The following CUX2 variants were observed in gnomAD, a reference collection of about 807,000 sequenced individuals.
CUX2 encodes cut like homeobox 2.
A neutral mutation model predicts 144.8 loss-of-function variants in CUX2; 40 were observed. That is an observed-to-expected ratio of 0.28 (90% CI 0.21 to 0.36). The LOEUF (loss-of-function observed/expected upper bound fraction) is 0.36, where lower values mean the gene tolerates loss of function less well. Among genes scored for constraint, CUX2 ranks in the 10% least tolerant of loss-of-function variants. CUX2 has a pLI of 1.00. For missense variants in CUX2, 1,615 were observed against 1,994.0 expected, an observed-to-expected ratio of 0.81 and a Z score of 3.62; for synonymous variants, 827 against 875.6, an observed-to-expected ratio of 0.94 and a Z score of 0.98.
chr12:111,331,022 A>G (rs1472679273), intron 18 of CUX2, among the ~76,000 whole-genome samples: 3 of 151,746 alleles, frequency 2.0e-5, no homozygotes, highest in Admixed American at 1.3e-4. Flanking sequence ...TCAGGATGGC[A>G]AGACCAGCCT....
At chr12:111,167,729 C>G (rs1878242726) in intron 1 of CUX2, among the ~76,000 whole-genome samples, 1 of 152,038 alleles carries the variant, frequency 6.6e-6, no homozygotes, top group Admixed American at 6.6e-5. Flanking sequence ...GAGTCTTGCT[C>G]TGTTGCCCAG....
chr12:111,159,563 A>C (rs1012347864), intron 1 of CUX2, among the ~76,000 whole-genome samples: 3 of 152,224 alleles, frequency 2.0e-5, no homozygotes, highest in African/African-American at 7.2e-5. Flanking sequence ...ATTATTTCAT[A>C]AGCAACTGAT....
chr12:111,217,972 G>A (rs776013717), intron 3 of CUX2, 35 bp downstream of exon 3: 8 of 1,612,112 alleles, frequency 5.0e-6, no homozygotes, highest in Non-Finnish European at 5.9e-6. Context: ...TCAGAAAAGT[G>A]CCCCCAATGG....
chr12:111,126,043 G>T (rs527678462), intron 1 of CUX2, among the ~76,000 whole-genome samples: 8 of 145,470 alleles, frequency 5.5e-5, no homozygotes, highest in East Asian at 3.9e-4. Flanking sequence ...GGGTGGTGGC[G>T]TGGGGGGGGC....
intron 1 of CUX2, among the ~76,000 whole-genome samples, chr12:111,153,950 C>A (rs763631401): frequency 5.9e-5 from 9 of 152,106 alleles, no homozygotes; most frequent in Non-Finnish European, 1.0e-4. Context: ...ACCACCTTCA[C>A]GTTCATTTCT....
chr12:111,081,035 G>A (rs1056438068), intron 1 of CUX2, among the ~76,000 whole-genome samples: 2 of 152,124 alleles, frequency 1.3e-5, no homozygotes, highest in African/African-American at 2.4e-5. Context: ...TATAGCTGTC[G>A]GTACAATGAA....
At chr12:111,268,832 G>A (rs1884507852) in intron 4 of CUX2, among the ~76,000 whole-genome samples, 1 of 152,192 alleles carries the variant, frequency 6.6e-6, no homozygotes, top group African/African-American at 2.4e-5. Flanking sequence ...GGGTCCCACT[G>A]TGTCAGCGAC....
chr12:111,264,472 C>T (rs1388359516), intron 4 of CUX2, among the ~76,000 whole-genome samples: 1 of 152,152 alleles, frequency 6.6e-6, no homozygotes, highest in African/African-American at 2.4e-5. Context: ...CAGGGGATCA[C>T]GCCTGTAATC....
At chr12:111,046,382 TC>T (rs1416506032) in intron 1 of CUX2, among the ~76,000 whole-genome samples, 1 of 152,196 alleles carries the variant, frequency 6.6e-6, no homozygotes, top group Non-Finnish European at 1.5e-5. Flanking sequence ...TATTTTTAAT[TC>T]CCACAGCAAC....
Position 111,348,482 on chromosome 12 carries a change from T to A in CUX2, c.*157T>A. On this transcript the variant is annotated 3_prime_UTR_variant, in exon 22 of 22. Coordinates refer to ENST00000261726, the MANE Select transcript of CUX2 (RefSeq NM_015267.4). Reference sequence around the variant, plus strand: ...ACGTTTTTTGTTGTAATCCTAGTTCTATGAAGCTGTGTGAGCAGGTGGGTC... The same window carrying A: ...ACGTTTTTTGTTGTAATCCTAGTTCAATGAAGCTGTGTGAGCAGGTGGGTC... 1.4e-6 allele frequency: 1 copy of A among 739,474 alleles called. No homozygotes were observed. The highest frequency in any genetic ancestry group is 2.2e-6 in the Non-Finnish European group (1 of 464,212). The allele number at this position is 739,474 out of a possible 1,614,324, so 45.8% of individuals were successfully genotyped here. A position where few individuals can be genotyped will look rare whatever the true frequency, so the allele number is the denominator to read the frequency against.
At chr12:111,038,922 G>A (rs963935939) in intron 1 of CUX2, among the ~76,000 whole-genome samples, 16 of 151,692 alleles carry the variant, frequency 1.1e-4, no homozygotes, top group Non-Finnish European at 1.9e-4. Context: ...TTTTCTGATG[G>A]TGGTGGTGGT....
intron 7 of CUX2, 100 bp from the exon 8 acceptor site, chr12:111,296,373 C>CTA: frequency 9.8e-7 from 1 of 1,020,484 alleles, no homozygotes; most frequent in Non-Finnish European, 1.5e-6. Flanking sequence ...TCTCATTCTG[C>CTA]CTGCTGGGCT....
rs1230818100 is a variant in CUX2 at position 111,293,357 on chromosome 12, T to C, written c.437-89T>C. On this transcript the variant is annotated intron_variant, in intron 5 of 21. Transcript: ENST00000261726. This position sits in a 1 kb window ranked among gnomAD's most constrained non-coding sequence, Gnocchi z 4.5. ...CCCAAGTTTGGGAAATTGATCACAA[T>C]CAATGATCGATCCGGTTTACAGAAA... The C allele has an allele frequency of 1.3e-5, 20 of 1,484,728 alleles. No homozygotes were observed. The African/African-American group carries it at 1.5e-4, about 11-fold the overall frequency. 92.0% of individuals were successfully genotyped at this position (1,484,728 alleles called of 1,614,324 possible).
At chr12:111,097,324 C>T (rs1872879952) in intron 1 of CUX2, among the ~76,000 whole-genome samples, 1 of 152,238 alleles carries the variant, frequency 6.6e-6, no homozygotes, top group Admixed American at 6.5e-5. Flanking sequence ...CCATCTCCCA[C>T]TGCTTCCTGT....
intron 20 of CUX2, among the ~76,000 whole-genome samples, 199 bp downstream of exon 20, chr12:111,338,673 G>A (rs1479161438): frequency 6.6e-6 from 1 of 152,182 alleles, no homozygotes; most frequent in African/African-American, 2.4e-5. Flanking sequence ...CTGTCGCAGT[G>A]GCAGGGCATG....
intron 5 of CUX2, 47 bp downstream of exon 5, chr12:111,291,599 G>A: frequency 2.0e-6 from 3 of 1,505,554 alleles, no homozygotes; most frequent in Non-Finnish European, 2.7e-6. Flanking sequence ...CAACCAGGCT[G>A]CAGATCTTCA....
chr12:111,262,203 G>C (rs893456576), intron 3 of CUX2, among the ~76,000 whole-genome samples: 1 of 152,158 alleles, frequency 6.6e-6, no homozygotes, highest in African/African-American at 2.4e-5. Flanking sequence ...ATAAGGGTGG[G>C]ACATGAGTCT....
chr12:111,090,881 A>G (rs530477747), intron 1 of CUX2, among the ~76,000 whole-genome samples: 5 of 151,808 alleles, frequency 3.3e-5, no homozygotes, highest in Non-Finnish European at 1.5e-5. Flanking sequence ...ATCTCAGGAG[A>G]GGCACTGAGA....
intron 1 of CUX2, among the ~76,000 whole-genome samples, chr12:111,126,547 AG>A (rs1875098233): frequency 6.6e-6 from 1 of 152,200 alleles, no homozygotes; most frequent in Non-Finnish European, 1.5e-5. Context: ...TCAAGTAGAC[AG>A]GCAGGAGGAA....
Sources: gnomAD v4.1 joint callset for allele counts (sites outside exome capture counted in the v4.1 genomes callset) on GRCh38, gnomAD v4.1.1 for gene constraint, Gnocchi (gnomAD v3.1) non-coding constraint, MANE v1.5 for transcripts, NCBI Gene and HGNC (gene_info 2026-07-23, HGNC 2026-07-21) for gene names.